Variants in SPTBN1 observed in about 807,000 individuals in gnomAD.
The protein encoded by SPTBN1 is spectrin beta, non-erythrocytic 1, also known as spectrin beta chain, non-erythrocytic 1.
In SPTBN1, 32 loss-of-function variants were observed where a neutral mutation model predicts 266.4. The observed-to-expected ratio is 0.12, with a 90% CI of 0.09 to 0.16. SPTBN1 has a LOEUF of 0.16. SPTBN1 is among the 10% of genes least tolerant of loss of function. The pLI is 1.00. For missense variants in SPTBN1, 2,296 were observed against 3,067.1 expected, an observed-to-expected ratio of 0.75 and a Z score of 5.94; for synonymous variants, 1,336 against 1,162.2, an observed-to-expected ratio of 1.15 and a Z score of -3.04.
intron 1 of SPTBN1, among the ~76,000 whole-genome samples, chr2:54,479,549 G>A (rs532964528): frequency 6.6e-6 from 1 of 152,120 alleles, no homozygotes; most frequent in African/African-American, 2.4e-5. Context: ...TTTAATAGTT[G>A]TACCAGTACA....
chr2:54,497,946 AAGAGT>A, intron 1 of SPTBN1, among the ~76,000 whole-genome samples: 1 of 152,284 alleles, frequency 6.6e-6, no homozygotes, highest in Non-Finnish European at 1.5e-5. Flanking sequence ...CTGCCAGGAG[AAGAGT>A]AGAGAATAAC....
At chr2:54,505,003 A>C (rs563897549) in intron 1 of SPTBN1, among the ~76,000 whole-genome samples, 27 of 152,320 alleles carry the variant, frequency 1.8e-4, no homozygotes, top group African/African-American at 6.3e-4. Context: ...ATAGAGTGCA[A>C]ATATTTTCTT....
chr2:54,645,473 A>G lies in SPTBN1; in HGVS notation c.4494+20A>G. ...GAGATCGTGAGTCGACCCCTACTGC[A>G]CACATGGCTTTTCCACGAGCCCCCT... On this transcript the variant is annotated intron_variant, in intron 21 of 35. Transcript: ENST00000356805. The surrounding 1 kb of genome is among the most constrained non-coding windows in gnomAD (Gnocchi z 4.3). 1 of 1,610,652 alleles carries G rather than the reference A, an allele frequency of 6.2e-7. No homozygotes were observed.
chr2:54,623,326 T>G (rs146384352), intron 9 of SPTBN1, among the ~76,000 whole-genome samples, 153 bp from the exon 10 acceptor site: 3 of 152,360 alleles, frequency 2.0e-5, no homozygotes, highest in Non-Finnish European at 4.4e-5. Context: ...TTGGTATGTT[T>G]CAAGGTTTGT....
intron 2 of SPTBN1, among the ~76,000 whole-genome samples, chr2:54,563,593 C>CTTTTTTTTT (rs750173696): frequency 9.3e-5 from 6 of 64,452 alleles, no homozygotes; most frequent in Non-Finnish European, 8.0e-5. Context: ...AAAATTTATT[C>CTTTTTTTTT]TTTTTTTTTT....
intron 4 of SPTBN1, among the ~76,000 whole-genome samples, chr2:54,612,669 G>A (rs1167269846): frequency 6.6e-6 from 1 of 152,144 alleles, no homozygotes; most frequent in Non-Finnish European, 1.5e-5. Context: ...TGGCTCTCAG[G>A]AGCAAAGGTA....
At chr2:54,567,795 T>C (rs1296039139) in intron 2 of SPTBN1, among the ~76,000 whole-genome samples, 2 of 152,114 alleles carry the variant, frequency 1.3e-5, no homozygotes, top group Non-Finnish European at 2.9e-5. Context: ...TCTCTATATA[T>C]ATAGAAAGGC....
At chr2:54,458,761 C>A (rs1167308610) in intron 1 of SPTBN1, among the ~76,000 whole-genome samples, 1 of 152,138 alleles carries the variant, frequency 6.6e-6, no homozygotes, top group Admixed American at 6.5e-5. Flanking sequence ...CAAATGTCAA[C>A]CCAGGCTTTC....
At chr2:54,633,110 A>G (rs1206271857) in intron 17 of SPTBN1, among the ~76,000 whole-genome samples, 2 of 152,208 alleles carry the variant, frequency 1.3e-5, no homozygotes, top group African/African-American at 2.4e-5. Flanking sequence ...GTCACCTGAT[A>G]GGACCCCTGG....
intron 2 of SPTBN1, among the ~76,000 whole-genome samples, chr2:54,580,403 T>C (rs1471889949): frequency 2.0e-5 from 3 of 152,216 alleles, no homozygotes; most frequent in African/African-American, 7.2e-5. Flanking sequence ...TTTTATCTTG[T>C]ATACCCATAC....
intron 18 of SPTBN1, among the ~76,000 whole-genome samples, chr2:54,641,702 G>A (rs1679575878): frequency 6.7e-6 from 1 of 148,376 alleles, no homozygotes; most frequent in African/African-American, 2.5e-5. Context: ...CCTGTGTGGT[G>A]AATAGCCTGA....
Position 54,657,895 on chromosome 2 carries a change from C to T in SPTBN1, c.6092C>T (p.Ala2031Val). 1 of 1,614,232 alleles carries T rather than the reference C, an allele frequency of 6.2e-7. No individual in the cohort carries two copies. The highest frequency in any genetic ancestry group is 8.5e-7 in the Non-Finnish European group (1 of 1,180,050). Residue 2031 changes from alanine (A) to valine (V), a missense_variant, in exon 30 of 36, where the codon GCC becomes GTC. Coordinates refer to ENST00000356805, the MANE Select transcript of SPTBN1 (RefSeq NM_003128.3). ...TCAAGAGACGCCAGTGTGGCCGAGGCCTGGCTGCTTGGACAGGAGCCGTAC... is the reference window on the plus strand; with the variant it reads ...TCAAGAGACGCCAGTGTGGCCGAGGTCTGGCTGCTTGGACAGGAGCCGTAC... ...QFSRDASVAEAWLLGQEPYLS... is the reference protein window; with the variant it reads ...QFSRDASVAEVWLLGQEPYLS...
chr2:54,460,028 G>T (rs947183071), intron 1 of SPTBN1, among the ~76,000 whole-genome samples: 2 of 152,162 alleles, frequency 1.3e-5, no homozygotes, highest in Admixed American at 6.5e-5. Context: ...AAACATCTCT[G>T]GAGAAGGCAT....
chr2:54,463,333 A>C (rs541317004), intron 1 of SPTBN1, among the ~76,000 whole-genome samples: 2 of 152,264 alleles, frequency 1.3e-5, no homozygotes, highest in African/African-American at 4.8e-5. Flanking sequence ...AGTCAAGTGC[A>C]TGATTGGATA....
intron 1 of SPTBN1, among the ~76,000 whole-genome samples, chr2:54,476,615 T>C (rs1474763842): frequency 1.3e-5 from 2 of 152,234 alleles, no homozygotes; most frequent in African/African-American, 4.8e-5. Context: ...CTTTGAATTA[T>C]TTTCTTACTT....
At chr2:54,630,157 G>T (rs1330006584) in intron 15 of SPTBN1, 128 bp downstream of exon 15, 5 of 1,240,862 alleles carry the variant, frequency 4.0e-6, no homozygotes, top group Admixed American at 2.5e-5. Context: ...TGATGTCATG[G>T]CATTGGCACC....
intron 2 of SPTBN1, among the ~76,000 whole-genome samples, chr2:54,535,883 C>T (rs1671567925): frequency 6.6e-6 from 1 of 152,170 alleles, no homozygotes; most frequent in South Asian, 2.1e-4. Flanking sequence ...TGGTGGTGCA[C>T]ACCTGTTACA....
intron 1 of SPTBN1, among the ~76,000 whole-genome samples, chr2:54,475,498 G>T (rs1667779497): frequency 6.6e-6 from 1 of 152,044 alleles, no homozygotes; most frequent in Non-Finnish European, 1.5e-5. Flanking sequence ...CATTTTGGTG[G>T]CATGTTGGAC....
chr2:54,666,061 A>G lies in SPTBN1; in HGVS notation c.6806A>G (p.Lys2269Arg). ...EAVCEVALDY[K>R]KKKHVFKLRL... is the part of the protein sequence containing the mutation. Reference sequence around the variant, plus strand: ...GTCTGCGAAGTGGCCCTTGATTACAAAAAGAAGAAACACGTATTCAAGCTA... The same window carrying G: ...GTCTGCGAAGTGGCCCTTGATTACAGAAAGAAGAAACACGTATTCAAGCTA... The change falls in exon 34 of 36, where the codon AAA (lysine) becomes AGA (arginine). Residue 2269 changes from lysine to arginine, a missense_variant. Around this residue, in one of 12 missense-constraint regions of SPTBN1, gnomAD observed 347 missense variants for 368.5 expected, o/e 0.94. Transcript: ENST00000356805. 2 of 1,612,590 alleles carry G rather than the reference A, an allele frequency of 1.2e-6. No homozygotes were observed. The highest frequency in any genetic ancestry group is 2.2e-5 in the South Asian group (2 of 90,750).
Sources: allele counts gnomAD v4.1 joint callset (sites outside exome capture counted in the v4.1 genomes callset), GRCh38; gene constraint gnomAD v4.1.1; regional missense constraint gnomAD v4.1.1; non-coding constraint Gnocchi (gnomAD v3.1); transcripts MANE v1.5; gene names NCBI Gene and HGNC (gene_info 2026-07-23, HGNC 2026-07-21).